METTL25: variants seen among roughly 807,000 people sequenced by gnomAD.
METTL25 encodes the protein methyltransferase like 25.
A neutral mutation model predicts 71.6 loss-of-function variants in METTL25; 64 were observed. The ratio of observed to expected loss-of-function variants is 0.89; its 90% CI spans 0.73 to 1.10. The LOEUF is 1.10. Ranked by LOEUF, METTL25 falls within the 50% of genes least tolerant of loss-of-function variation. METTL25 has a pLI of 0.00. For missense variants in METTL25, 807 were observed against 707.0 expected (o/e 1.14, Z -1.60); for synonymous variants, 287 against 250.3 (o/e 1.15, Z -1.38).
Position 82,478,971 on chromosome 12 carries a change from C to A in METTL25, c.1759C>A (p.Pro587Thr). 1 of 1,612,648 alleles carries A rather than the reference C, an allele frequency of 6.2e-7. No individual in the cohort carries two copies. The highest frequency in any genetic ancestry group is 8.5e-7 in the Non-Finnish European group (1 of 1,179,042). The change falls in exon 12 of 12, where the codon CCC (proline) becomes ACC (threonine). Residue 587 changes from proline to threonine, a missense_variant. Physicochemically the swap from Pro to Thr is conservative, Grantham distance 38. Transcript: ENST00000248306. ...AWSALVKLFD[P>T]VKSPRCYAVI... is the part of the protein sequence containing the mutation. Reference sequence around the variant, plus strand: ...GTCTGCTCTTGTGAAGTTGTTTGATCCCGTGAAATCTCCCAGATGTTATGC... The same window carrying A: ...GTCTGCTCTTGTGAAGTTGTTTGATACCGTGAAATCTCCCAGATGTTATGC...
At chr12:82,408,897 C>G (rs960251705) in intron 5 of METTL25, among the ~76,000 whole-genome samples, 8 of 152,042 alleles carry the variant, frequency 5.3e-5, no homozygotes, top group Non-Finnish European at 1.2e-4. Context: ...TCTGAATGGT[C>G]AAATATGTCA....
intron 8 of METTL25, 135 bp from the exon 9 acceptor site, chr12:82,456,592 A>T: frequency 2.0e-6 from 1 of 510,452 alleles, no homozygotes; most frequent in Non-Finnish European, 3.5e-6. Flanking sequence ...CCTCAAAAGT[A>T]TTACTGTATT....
intron 9 of METTL25, among the ~76,000 whole-genome samples, chr12:82,460,926 A>G (rs541167319): frequency 3.0e-3 from 463 of 152,228 alleles, no homozygotes; most frequent in Non-Finnish European, 5.8e-3. Context: ...GGCGGATCAC[A>G]AGGTTAGGAG....
chr12:82,380,811 A>G (rs1279573649), intron 1 of METTL25, among the ~76,000 whole-genome samples: 1 of 152,238 alleles, frequency 6.6e-6, no homozygotes, highest in African/African-American at 2.4e-5. Context: ...ATAAAGACTC[A>G]GAGGGTGATG....
intron 8 of METTL25, among the ~76,000 whole-genome samples, chr12:82,443,610 T>C (rs902146397): frequency 6.6e-6 from 1 of 152,168 alleles, no homozygotes; most frequent in Non-Finnish European, 1.5e-5. Flanking sequence ...AAGAGGTTTA[T>C]TTGGCTCACA....
At chr12:82,360,991 A>C (rs1391706588) in intron 1 of METTL25, among the ~76,000 whole-genome samples, 1 of 152,124 alleles carries the variant, frequency 6.6e-6, no homozygotes, top group Non-Finnish European at 1.5e-5. Flanking sequence ...CCAAAGAGAG[A>C]GCAGCAGCAA....
intron 9 of METTL25, among the ~76,000 whole-genome samples, chr12:82,475,637 AG>A (rs1413542503): frequency 1.3e-5 from 2 of 152,254 alleles, no homozygotes; most frequent in East Asian, 3.9e-4. Context: ...TTTAATTGAC[AG>A]CAGTTTCTTC....
chr12:82,465,614 C>T (rs867504961), intron 9 of METTL25, among the ~76,000 whole-genome samples: 2 of 151,860 alleles, frequency 1.3e-5, no homozygotes, highest in African/African-American at 4.8e-5. Context: ...ATGCTGACCT[C>T]GTATAATGAG....
chr12:82,445,775 A>G (rs1468626605), intron 8 of METTL25, among the ~76,000 whole-genome samples: 1 of 152,254 alleles, frequency 6.6e-6, no homozygotes, highest in South Asian at 2.1e-4. Context: ...ATTTCAAGAT[A>G]AATGAATCCA....
chr12:82,363,947 A>G (rs1642247539), intron 1 of METTL25, among the ~76,000 whole-genome samples: 1 of 152,224 alleles, frequency 6.6e-6, no homozygotes, highest in Non-Finnish European at 1.5e-5. Context: ...CCAAGAAAAT[A>G]CACTGGGAGA....
chr12:82,403,174 A>ATTTC, intron 5 of METTL25, 44 bp downstream of exon 5: 1 of 1,552,908 alleles, frequency 6.4e-7, no homozygotes, highest in Non-Finnish European at 8.7e-7. Context: ...ATTTGAGCAT[A>ATTTC]ATGAAATATG....
intron 1 of METTL25, among the ~76,000 whole-genome samples, chr12:82,377,777 T>C (rs1884024538): frequency 6.6e-6 from 1 of 152,200 alleles, no homozygotes; most frequent in South Asian, 2.1e-4. Context: ...GTTAATATCT[T>C]AGGTCACAAA....
intron 9 of METTL25, among the ~76,000 whole-genome samples, chr12:82,462,478 C>T (rs1014273061): frequency 5.9e-5 from 9 of 151,972 alleles, no homozygotes; most frequent in African/African-American, 2.2e-4. Flanking sequence ...TGTTCTGATC[C>T]TGGCTTATTT....
chr12:82,422,787 C>G (rs1381148109), intron 5 of METTL25, among the ~76,000 whole-genome samples: 1 of 152,044 alleles, frequency 6.6e-6, no homozygotes. Context: ...GAGTGAACTC[C>G]CATTCACAAT....
At chr12:82,400,589 T>TTAAAA (rs140131936) in intron 4 of METTL25, among the ~76,000 whole-genome samples, 1 of 151,884 alleles carries the variant, frequency 6.6e-6, no homozygotes, top group East Asian at 1.9e-4. Context: ...TAGTTTAACT[T>TTAAAA]AAATGTAAAT....
intron 9 of METTL25, among the ~76,000 whole-genome samples, chr12:82,467,639 G>GA (rs1271660555): frequency 2.0e-5 from 3 of 151,986 alleles, no homozygotes; most frequent in East Asian, 1.9e-4. Context: ...GCTTTCTGCT[G>GA]AAAAAATCCA....
At chr12:82,476,189 G>T (rs1419580087) in intron 9 of METTL25, 1 of 153,024 alleles carries the variant, frequency 6.5e-6, no homozygotes, top group Admixed American at 6.6e-5. Context: ...CTCTCTGATG[G>T]ATTTGTGAAG....
intron 1 of METTL25, among the ~76,000 whole-genome samples, chr12:82,359,585 TCAGTAGTACAA>T (rs1881535759): frequency 6.6e-6 from 1 of 152,250 alleles, no homozygotes; most frequent in South Asian, 2.1e-4. Flanking sequence ...GGAGACTACC[TCAGTAGTACAA>T]CAGATGATTG....
In METTL25 at chr12:82,360,316, T is replaced by C. The variant is rs187577946; in HGVS notation, c.259+1492T>C. Among the ~76,000 whole-genome samples the C allele has an allele frequency of 1.9e-4, 29 of 152,232 alleles. No individual in the cohort carries two copies. The East Asian group carries it at 5.6e-3, about 29-fold the overall frequency. On this transcript the variant is annotated intron_variant, in intron 1 of 11. Coordinates refer to ENST00000248306, the MANE Select transcript of METTL25 (RefSeq NM_032230.3). ...GTGCTAAGTGTCTTCATGTGTATTT[T>C]CTCTTTTAATCTTTACATCAGCCTT...
Sources: gnomAD v4.1 joint callset for allele counts (sites outside exome capture counted in the v4.1 genomes callset) on GRCh38, gnomAD v4.1.1 for gene constraint, MANE v1.5 for transcripts, NCBI Gene and HGNC (gene_info 2026-07-23, HGNC 2026-07-21) for gene names.